PCDH11X: variants seen among roughly 807,000 people sequenced by gnomAD.
The protein encoded by PCDH11X is protocadherin-11 X-linked.
In PCDH11X, 18 loss-of-function variants were observed where a neutral mutation model predicts 53.3. The ratio of observed to expected loss-of-function variants is 0.34; its 90% CI spans 0.23 to 0.50. The LOEUF (loss-of-function observed/expected upper bound fraction) is 0.50. Ranked by LOEUF, PCDH11X falls within the 20% of genes least tolerant of loss-of-function variation. The probability of loss-of-function intolerance (pLI) is 0.98; values close to 1 mark genes in which losing one functional copy is unlikely to be tolerated. For missense variants in PCDH11X, 570 were observed against 1,032.4 expected (o/e 0.55, Z 6.14); for synonymous variants, 279 against 393.3 (o/e 0.71, Z 3.44).
At chrX:91,869,402 A>C (rs1457093927) in intron 5 of PCDH11X, among the ~76,000 whole-genome samples, 3 of 111,310 alleles carry the variant, frequency 2.7e-5, no homozygotes, top group African/African-American at 9.8e-5. Context: ...CTTGGCTTTC[A>C]AATCGGGTTC....
intron 6 of PCDH11X, among the ~76,000 whole-genome samples, chrX:92,178,147 T>C (rs757358053): frequency 1.8e-5 from 2 of 111,422 alleles, no homozygotes; most frequent in Non-Finnish European, 3.8e-5. Context: ...TGGAAATCTA[T>C]TTCACGAACA....
rs941064370 is a variant in PCDH11X at position 91,872,593 on chromosome X, A to T, written c.541-4188A>T. Among the ~76,000 whole-genome samples the T allele has an allele frequency of 9.2e-5, 10 of 109,252 alleles. No homozygotes were observed. In the Admixed American group the frequency reaches 9.8e-4, roughly 11 times the overall value. The allele number at this position is 109,252 out of a possible 115,157, so 94.9% of individuals were successfully genotyped here. On this transcript the variant is annotated intron_variant, in intron 5 of 10. Coordinates refer to ENST00000682573, the MANE Select transcript of PCDH11X (RefSeq NM_032968.5). Reference sequence around the variant, plus strand: ...ATTTAGTATATGAAGGCGTACCTAGAGATATACACATAGAGAGTTTGCCCC... The same window carrying T: ...ATTTAGTATATGAAGGCGTACCTAGTGATATACACATAGAGAGTTTGCCCC...
intron 10 of PCDH11X, among the ~76,000 whole-genome samples, chrX:92,552,841 A>G (rs1444203251): frequency 9.0e-6 from 1 of 110,550 alleles, no homozygotes; most frequent in Non-Finnish European, 1.9e-5. Context: ...ACATTGATTG[A>G]TTTTTGTGTG....
chrX:92,406,255 A>T (rs979798203), intron 9 of PCDH11X, among the ~76,000 whole-genome samples: 5 of 110,197 alleles, frequency 4.5e-5, no homozygotes, highest in Non-Finnish European at 9.4e-5. Flanking sequence ...CACTTAAAGT[A>T]TGTCTTGCAG....
At chrX:92,437,139 G>C (rs1488786771) in intron 9 of PCDH11X, among the ~76,000 whole-genome samples, 1 of 110,254 alleles carries the variant, frequency 9.1e-6, no homozygotes, top group African/African-American at 3.3e-5. Flanking sequence ...TACTCTGTAC[G>C]CACAAAAATT....
At chrX:92,290,057 T>G (rs2148456156) in intron 8 of PCDH11X, among the ~76,000 whole-genome samples, 1 of 111,812 alleles carries the variant, frequency 8.9e-6, no homozygotes, top group African/African-American at 3.2e-5. Flanking sequence ...ATAGCTGCAA[T>G]TTCGATCAAA....
In PCDH11X at chrX:92,159,814, A is replaced by ATT. The variant is rs1177460058; in HGVS notation, c.3034-41545_3034-41544dup. On this transcript the variant is annotated intron_variant, in intron 6 of 10. Transcript: ENST00000682573. ...ATGTGGAGTGACATCAGGTTACCTC[A>ATT]TTTTTTTTTTTTTTTTTGTAAGGGT... 1.9e-4 allele frequency among the ~76,000 whole-genome samples: 8 copies of ATT among 42,403 alleles called. 1 individual carries two copies. The highest frequency in any genetic ancestry group is 2.8e-4 in the Non-Finnish European group (6 of 21,200). The allele number at this position is 42,403 out of a possible 115,157, so 36.8% of individuals were successfully genotyped here.
chrX:92,118,842 C>T (rs1461192221), intron 6 of PCDH11X, among the ~76,000 whole-genome samples: 5 of 99,322 alleles, frequency 5.0e-5, no homozygotes, highest in South Asian at 9.7e-4. Context: ...CCCGGGTTCA[C>T]GCCATTCTCC....
chrX:92,170,468 G>A (rs2065804852), intron 6 of PCDH11X, among the ~76,000 whole-genome samples: 1 of 110,697 alleles, frequency 9.0e-6, no homozygotes, highest in African/African-American at 3.3e-5. Context: ...AGTTCCTGGG[G>A]TAGAATCAGT....
At chrX:92,280,117 A>C (rs745527726) in intron 8 of PCDH11X, among the ~76,000 whole-genome samples, 181 of 112,549 alleles carry the variant, frequency 1.6e-3, no homozygotes, top group Middle Eastern at 4.6e-3. Flanking sequence ...CCATATACAC[A>C]TGCATACACA....
chrX:92,438,396 A>G (rs1343920930), intron 9 of PCDH11X, among the ~76,000 whole-genome samples: 1 of 111,238 alleles, frequency 9.0e-6, no homozygotes, highest in African/African-American at 3.3e-5. Flanking sequence ...ATTATGTATC[A>G]TTTATTGGGG....
chrX:92,350,139 C>T (rs1350742506), intron 8 of PCDH11X, among the ~76,000 whole-genome samples: 1 of 109,977 alleles, frequency 9.1e-6, no homozygotes, highest in Non-Finnish European at 1.9e-5. Flanking sequence ...TATCTTGTTT[C>T]ATTTTTTTGA....
intron 7 of PCDH11X, among the ~76,000 whole-genome samples, chrX:92,243,804 C>T (rs929227873): frequency 1.1e-4 from 12 of 111,345 alleles, no homozygotes; most frequent in African/African-American, 3.9e-4. Flanking sequence ...GTTTTTCTAT[C>T]TCTCTGTAGA....
chrX:92,480,470 C>G (rs1428000067), intron 10 of PCDH11X, among the ~76,000 whole-genome samples: 2 of 108,718 alleles, frequency 1.8e-5, no homozygotes, highest in Non-Finnish European at 3.8e-5. Context: ...TCTTTCTTGT[C>G]TTTGTGGGCT....
intron 6 of PCDH11X, among the ~76,000 whole-genome samples, chrX:91,950,454 G>C (rs1391805874): frequency 9.4e-6 from 1 of 106,498 alleles, no homozygotes; most frequent in African/African-American, 3.5e-5. Context: ...ACAGCCACCA[G>C]TTCTACCCAA....
At chrX:91,872,703 T>C (rs1198380621) in intron 5 of PCDH11X, among the ~76,000 whole-genome samples, 4 of 104,547 alleles carry the variant, frequency 3.8e-5, no homozygotes, top group Non-Finnish European at 7.9e-5. Context: ...CTTTTTTGTA[T>C]ATAAGGATGT....
At position 92,204,099 on chromosome X, in the gene PCDH11X, G is replaced by A. The variant is rs144784402; in HGVS notation, c.3114+2644G>A. ...CACAGAGTAAGAAGGCCCTGGCCCAGCCCATAAAATCATTTTTCCCTCCTA... is the reference window on the plus strand; with the variant it reads ...CACAGAGTAAGAAGGCCCTGGCCCAACCCATAAAATCATTTTTCCCTCCTA... On this transcript the variant is annotated intron_variant, in intron 7 of 10. Transcript: ENST00000682573. 8.8e-3 allele frequency among the ~76,000 whole-genome samples: 981 copies of A among 111,387 alleles called. 19 individuals are homozygous for A. The highest frequency in any genetic ancestry group is 0.03 in the African/African-American group (933 of 30,621).
chrX:92,462,817 A>G (rs2073078746), intron 9 of PCDH11X, among the ~76,000 whole-genome samples: 1 of 106,938 alleles, frequency 9.4e-6, no homozygotes, highest in Non-Finnish European at 1.9e-5. Context: ...CAAAATCTTT[A>G]AAAAGATTCT....
intron 6 of PCDH11X, among the ~76,000 whole-genome samples, chrX:92,152,411 A>G (rs1479005300): frequency 9.0e-6 from 1 of 111,598 alleles, no homozygotes; most frequent in African/African-American, 3.3e-5. Context: ...TAAAAAAAAT[A>G]TTAAATCAAA....
Sources: allele counts gnomAD v4.1 joint callset (sites outside exome capture counted in the v4.1 genomes callset), GRCh38; gene constraint gnomAD v4.1.1; transcripts MANE v1.5; gene names NCBI Gene and HGNC (gene_info 2026-07-23, HGNC 2026-07-21).